Variants in METTL9 observed in about 807,000 individuals in gnomAD.
METTL9 encodes protein-L-histidine N-pros-methyltransferase.
In METTL9, 10 loss-of-function variants were observed where a neutral mutation model predicts 36.0. That is an observed-to-expected ratio of 0.28 (90% CI 0.17 to 0.47). The LOEUF (loss-of-function observed/expected upper bound fraction) is 0.47, where lower values mean the gene tolerates loss of function less well. Ranked by LOEUF, METTL9 falls within the 20% of genes least tolerant of loss-of-function variation. The pLI is 0.99. For synonymous variants in METTL9, 175 were observed against 149.7 expected, an observed-to-expected ratio of 1.17 and a Z score of -1.23; for missense variants, 246 against 383.5, an observed-to-expected ratio of 0.64 and a Z score of 3.00.
intron 3 of METTL9, among the ~76,000 whole-genome samples, chr16:21,623,471 T>A (rs1965751315): frequency 6.6e-6 from 1 of 152,168 alleles, no homozygotes; most frequent in Non-Finnish European, 1.5e-5. Flanking sequence ...CCTTTTTTTA[T>A]GTTTCCTTTT....
At position 21,657,131 on chromosome 16, in the gene METTL9, C is replaced by A. The variant is rs963315954; in HGVS notation, c.*1699C>A. The A allele has an allele frequency of 6.6e-6, 1 of 151,996 alleles. No homozygotes were observed. The highest frequency in any genetic ancestry group is 2.4e-5 in the African/African-American group (1 of 41,392). 9.4% of individuals were successfully genotyped at this position (151,996 alleles called of 1,614,324 possible). On this transcript the variant is annotated 3_prime_UTR_variant, in exon 5 of 5. Transcript: ENST00000358154. Reference sequence around the variant, plus strand: ...TTGCCCCAAAGTGTTTTCTAACTTTCAAGTAGAGAACTTTATGCTCTAATA... The same window carrying A: ...TTGCCCCAAAGTGTTTTCTAACTTTAAAGTAGAGAACTTTATGCTCTAATA...
chr16:21,604,576 G>A (rs1404009656), intron 1 of METTL9, among the ~76,000 whole-genome samples: 1 of 152,146 alleles, frequency 6.6e-6, no homozygotes, highest in Non-Finnish European at 1.5e-5. Context: ...ACATAAAGAG[G>A]TTATTGGGTT....
intron 4 of METTL9, among the ~76,000 whole-genome samples, chr16:21,639,151 A>AAATG (rs1237796978): frequency 6.6e-6 from 1 of 152,214 alleles, no homozygotes; most frequent in Non-Finnish European, 1.5e-5. Flanking sequence ...ATAGATGAAT[A>AAATG]AATGAATGAA....
At chr16:21,643,009 A>T in intron 4 of METTL9, 1 of 1,042,568 alleles carries the variant, frequency 9.6e-7, no homozygotes. Flanking sequence ...GCTCCTTGGC[A>T]GCTTAGTTTT....
chr16:21,651,605 G>T (rs951973087), intron 4 of METTL9, among the ~76,000 whole-genome samples: 6 of 152,064 alleles, frequency 3.9e-5, no homozygotes, highest in Admixed American at 1.3e-4. Context: ...CCAGCCCAAA[G>T]CTTTATTATA....
At chr16:21,623,760 T>C (rs1054167039) in intron 3 of METTL9, among the ~76,000 whole-genome samples, 1 of 151,988 alleles carries the variant, frequency 6.6e-6, no homozygotes, top group Non-Finnish European at 1.5e-5. Flanking sequence ...ATCTTTTCTG[T>C]ATAGTTTTTG....
chr16:21,633,603 T>C (rs1400720134), intron 4 of METTL9, among the ~76,000 whole-genome samples: 1 of 152,136 alleles, frequency 6.6e-6, no homozygotes, highest in Non-Finnish European at 1.5e-5. Context: ...CTGCCTCCTC[T>C]GGTATTTAAG....
At chr16:21,613,168 CTTTTTTTTTTTTTTTTTTTTTTTTTT>C (rs57388340) in intron 2 of METTL9, among the ~76,000 whole-genome samples, 5 of 91,440 alleles carry the variant, frequency 5.5e-5, no homozygotes, top group Non-Finnish European at 9.8e-5. Context: ...TGAGAGTCTG[CTTTTTTTTTTTTTTTTTTTTTTTTTT>C]TTTTTTTTTT....
chr16:21,631,292 G>A (rs977353318), intron 4 of METTL9, among the ~76,000 whole-genome samples: 2 of 152,096 alleles, frequency 1.3e-5, no homozygotes, highest in African/African-American at 4.8e-5. Context: ...CACAAGATTA[G>A]AAGTTAGGAT....
At chr16:21,645,592 G>A (rs1403410830) in intron 4 of METTL9, among the ~76,000 whole-genome samples, 2 of 152,184 alleles carry the variant, frequency 1.3e-5, no homozygotes, top group Non-Finnish European at 2.9e-5. Context: ...TGTGAAAATA[G>A]GAGTTCTGTA....
At chr16:21,628,570 T>G (rs1000695771) in intron 4 of METTL9, among the ~76,000 whole-genome samples, 1 of 152,152 alleles carries the variant, frequency 6.6e-6, no homozygotes, top group African/African-American at 2.4e-5. Flanking sequence ...CACAGCTCAC[T>G]GCAGCCTTGA....
intron 1 of METTL9, 102 bp from the exon 2 acceptor site, chr16:21,612,543 C>A: frequency 9.0e-7 from 1 of 1,105,204 alleles, no homozygotes; most frequent in Non-Finnish European, 1.2e-6. Context: ...ATTTGGAAAT[C>A]TTAGATGTGA....
intron 4 of METTL9, among the ~76,000 whole-genome samples, chr16:21,643,943 T>TGCTG (rs1966348106): frequency 6.6e-6 from 1 of 152,214 alleles, no homozygotes; most frequent in Non-Finnish European, 1.5e-5. Context: ...AAGACTGTTC[T>TGCTG]TAAGGCTTTC....
At chr16:21,655,063 GCC>G in intron 4 of METTL9, 162 bp from the exon 5 acceptor site, 1 of 636,276 alleles carries the variant, frequency 1.6e-6, no homozygotes, top group South Asian at 2.0e-5. Flanking sequence ...TTCTTTATCT[GCC>G]CACCTGTCTC....
At chr16:21,636,661 G>GA (rs1966102305) in intron 4 of METTL9, among the ~76,000 whole-genome samples, 1 of 152,182 alleles carries the variant, frequency 6.6e-6, no homozygotes, top group African/African-American at 2.4e-5. Context: ...GTTCAGCCCA[G>GA]AAGTACTGGA....
In METTL9 at chr16:21,599,871, C is replaced by T; in HGVS notation, c.138C>T (p.Ala46=). Residue 46 remains alanine (A), a synonymous_variant, in exon 1 of 5, where the codon GCC becomes GCT. Coordinates refer to ENST00000358154, the MANE Select transcript of METTL9 (RefSeq NM_016025.5). The surrounding 1 kb of genome is among the most constrained non-coding windows in gnomAD (Gnocchi z 4.4). ...GCGGCCCGGGTGGGCCGGCGGCGGC[C>T]GCGGGCGGCAGGAAGGAGAACCACC... ...MTSGPGGPAA[A]AGGRKENHQW... 4 of 1,479,418 alleles carry T rather than the reference C, an allele frequency of 2.7e-6. No homozygotes were observed. Among genetic ancestry groups the T allele is most frequent in the Non-Finnish European group, 2.7e-6 (3 of 1,119,220 alleles). The allele number at this position is 1,479,418 out of a possible 1,614,324, so 91.6% of individuals were successfully genotyped here.
intron 4 of METTL9, among the ~76,000 whole-genome samples, chr16:21,636,724 G>A (rs1394640257): frequency 6.6e-6 from 1 of 152,174 alleles, no homozygotes; most frequent in Non-Finnish European, 1.5e-5. Flanking sequence ...GAAGAGTCGG[G>A]GGTTGTTAGC....
intron 4 of METTL9, among the ~76,000 whole-genome samples, chr16:21,631,281 C>G (rs1408059901): frequency 6.6e-6 from 1 of 152,084 alleles, no homozygotes; most frequent in Non-Finnish European, 1.5e-5. Context: ...GGTCTGATTT[C>G]CACAAGATTA....
intron 4 of METTL9, chr16:21,643,415 T>C (rs1293154152): frequency 1.5e-6 from 1 of 646,176 alleles, no homozygotes; most frequent in East Asian, 2.7e-5. Flanking sequence ...AAATAGTGTC[T>C]GCAGTTGAAA....
Sources: allele counts gnomAD v4.1 joint callset (sites outside exome capture counted in the v4.1 genomes callset), GRCh38; gene constraint gnomAD v4.1.1; non-coding constraint Gnocchi (gnomAD v3.1); transcripts MANE v1.5; gene names NCBI Gene and HGNC (gene_info 2026-07-23, HGNC 2026-07-21).